Variants in LRSAM1 observed in about 807,000 individuals in gnomAD.
LRSAM1 encodes leucine rich repeat and sterile alpha motif containing 1.
In LRSAM1, 96 loss-of-function variants were observed where a neutral mutation model predicts 118.1. The ratio of observed to expected loss-of-function variants is 0.81; its 90% CI spans 0.69 to 0.96. The LOEUF (loss-of-function observed/expected upper bound fraction) is 0.96. Among genes scored for constraint, LRSAM1 ranks in the 40% least tolerant of loss-of-function variants. The pLI is 0.00. For synonymous variants in LRSAM1, 322 were observed against 364.2 expected (o/e 0.88, Z 1.32); for missense variants, 804 against 915.5 (o/e 0.88, Z 1.57).
intron 18 of LRSAM1, among the ~76,000 whole-genome samples, chr9:127,488,943 G>A (rs1000114635): frequency 4.0e-5 from 6 of 151,846 alleles, no homozygotes; most frequent in Non-Finnish European, 1.5e-5. Flanking sequence ...TTCTTCCCTC[G>A]CCTTTCTCCC....
At chr9:127,492,464 C>T (rs1348347477) in intron 20 of LRSAM1, among the ~76,000 whole-genome samples, 1 of 152,246 alleles carries the variant, frequency 6.6e-6, no homozygotes, top group Non-Finnish European at 1.5e-5. Flanking sequence ...TGGGGCCCCA[C>T]ACTGCTCCCC....
chr9:127,466,781 C>T (rs1259530833), intron 9 of LRSAM1, among the ~76,000 whole-genome samples: 1 of 151,446 alleles, frequency 6.6e-6, no homozygotes, highest in African/African-American at 2.4e-5. Context: ...GGGAGGCGGG[C>T]GAATTGCTTG....
chr9:127,464,002 G>A (rs1392647008), intron 9 of LRSAM1, among the ~76,000 whole-genome samples: 2 of 152,232 alleles, frequency 1.3e-5, no homozygotes, highest in Non-Finnish European at 2.9e-5. Flanking sequence ...TGAAGCTGAC[G>A]CCTGTGCTCC....
intron 11 of LRSAM1, among the ~76,000 whole-genome samples, chr9:127,475,383 C>T (rs940919114): frequency 6.6e-6 from 1 of 151,992 alleles, no homozygotes; most frequent in South Asian, 2.1e-4. Context: ...CCCAGCTACT[C>T]GGGAGGCTGA....
At chr9:127,455,410 A>C (rs1834480352) in intron 4 of LRSAM1, among the ~76,000 whole-genome samples, 166 bp from the exon 5 acceptor site, 1 of 152,226 alleles carries the variant, frequency 6.6e-6, no homozygotes, top group Admixed American at 6.5e-5. Context: ...CACATCCCCA[A>C]CACCACTGCT....
chr9:127,479,220 A>G (rs949812339), intron 12 of LRSAM1, among the ~76,000 whole-genome samples, 163 bp from the exon 13 acceptor site: 1 of 152,142 alleles, frequency 6.6e-6, no homozygotes, highest in Admixed American at 6.5e-5. Context: ...CTTCCTGTGA[A>G]CAGCTTGTTT....
chr9:127,502,975 T>A lies in LRSAM1; in HGVS notation c.*76T>A. 1 of 1,541,054 alleles carries A rather than the reference T, an allele frequency of 6.5e-7. No homozygotes were observed. The highest frequency in any genetic ancestry group is 8.7e-7 in the Non-Finnish European group (1 of 1,143,156). On this transcript the variant is annotated 3_prime_UTR_variant, in exon 26 of 26. Coordinates refer to ENST00000300417, the MANE Select transcript of LRSAM1 (RefSeq NM_001005373.4). ...AGCCCCGGGCTCCTGCTCAGCCTTG[T>A]GCCAGCCAGACTCGTATGAGGCTCC...
rs143021184 is a variant in LRSAM1 at position 127,472,000 on chromosome 9, C to T, written c.620-1801C>T. Among the ~76,000 whole-genome samples, 320 of 151,442 alleles carry T rather than the reference C, an allele frequency of 2.1e-3. 3 individuals carry two copies. The East Asian group carries it at 0.042, about 20-fold the overall frequency. On this transcript the variant is annotated intron_variant, in intron 10 of 25. Transcript: ENST00000300417. ...TTTTTTTGAGACAGAGTCTCACTGT[C>T]GCCCAGGCTGGAGTGCGGTGGCGCA... is the stretch of plus-strand genomic sequence containing the variant.
chr9:127,501,027 G>T lies in LRSAM1; in HGVS notation c.1930G>T (p.Gly644Cys), dbSNP rs201284198. 76 of 1,613,928 alleles carry T rather than the reference G, an allele frequency of 4.7e-5. 1 individual carries two copies. In the East Asian group the frequency reaches 1.5e-3, roughly 33 times the overall value. ...RIQPELKPPM[G>C]EVVTPTAPQE... is the part of the protein sequence containing the mutation. ...CCCCACAGAGCTGAAACCACCAATG[G>T]GTGAGGTCGTCACCCCTACGGCCCC... Residue 644 changes from glycine to cysteine, a missense_variant, in exon 25 of 26, where the codon GGT becomes TGT. Transcript: ENST00000300417.
In LRSAM1 at chr9:127,503,329, C is replaced by G; in HGVS notation, c.*430C>G. The G allele has an allele frequency of 3.7e-6, 1 of 269,574 alleles. No individual in the cohort carries two copies. Among genetic ancestry groups the G allele is most frequent in the South Asian group, 3.9e-5 (1 of 25,506 alleles). The allele number at this position is 269,574 out of a possible 1,614,324, so 16.7% of individuals were successfully genotyped here. A position where few individuals can be genotyped will look rare whatever the true frequency, so the allele number is the denominator to read the frequency against. ...CCTGGCTGGGTGAGGGGAGGCCTTC[C>G]TGGGAAGGCGTGTGGTGCAGGCCTG... is the stretch of plus-strand genomic sequence containing the variant. On this transcript the variant is annotated 3_prime_UTR_variant, in exon 26 of 26. Coordinates refer to ENST00000300417, the MANE Select transcript of LRSAM1 (RefSeq NM_001005373.4).
At chr9:127,455,396 T>C (rs1400565405) in intron 4 of LRSAM1, among the ~76,000 whole-genome samples, 180 bp from the exon 5 acceptor site, 1 of 152,236 alleles carries the variant, frequency 6.6e-6, no homozygotes, top group Non-Finnish European at 1.5e-5. Flanking sequence ...AGGGAAGGGC[T>C]GGCCACATCC....
chr9:127,457,386 C>G lies in LRSAM1; in HGVS notation c.245C>G (p.Thr82Ser), dbSNP rs373669417. 3 of 1,614,192 alleles carry G rather than the reference C, an allele frequency of 1.9e-6. No individual in the cohort carries two copies. The highest frequency in any genetic ancestry group is 2.5e-6 in the Non-Finnish European group (3 of 1,180,000). ...PKSCSLLSLA[T>S]IKVLDLHDNQ... ...TCCTGCAGCCTCCTGAGTCTGGCAA[C>G]CATCAAGGTACTGGGCCCTCCTCCC... The change falls in exon 6 of 26, where the codon ACC becomes AGC. Residue 82 changes from threonine (T) to serine (S), a missense_variant. Physicochemically the swap from Thr to Ser is moderately conservative, Grantham distance 58. Coordinates refer to ENST00000300417, the MANE Select transcript of LRSAM1 (RefSeq NM_001005373.4).
chr9:127,487,885 A>G, intron 18 of LRSAM1, 122 bp downstream of exon 18: 1 of 655,976 alleles, frequency 1.5e-6, no homozygotes, highest in East Asian at 5.1e-5. Context: ...GAGGTTTGTG[A>G]CCATAGAGGT....
rs1422088243 is a variant in LRSAM1 at position 127,462,237 on chromosome 9, T to C, written c.407-15T>C. On this transcript the variant is annotated splice_polypyrimidine_tract_variant and intron_variant, in intron 8 of 25. Coordinates refer to ENST00000300417, the MANE Select transcript of LRSAM1 (RefSeq NM_001005373.4). The stretch of plus-strand genomic sequence containing the variant: ...GGATTTGGGGTGTTGAGCTGTGCTA[T>C]TGGGGTCTCTGCAGACAACAAGCTG... 6 of 1,613,784 alleles carry C rather than the reference T, an allele frequency of 3.7e-6. No individual in the cohort carries two copies. The highest frequency in any genetic ancestry group is 5.1e-6 in the Non-Finnish European group (6 of 1,179,874).
chr9:127,459,151 C>T (rs1242496834), intron 7 of LRSAM1, 80 bp downstream of exon 7: 17 of 1,400,368 alleles, frequency 1.2e-5, no homozygotes, highest in Middle Eastern at 1.8e-4. Flanking sequence ...ATGTTCTGGC[C>T]GGGCTCCAGC....
At chr9:127,478,791 C>T (rs1223694355) in intron 11 of LRSAM1, 143 bp from the exon 12 acceptor site, 1 of 786,090 alleles carries the variant, frequency 1.3e-6, no homozygotes, top group South Asian at 1.5e-5. Flanking sequence ...TCCCCTCATC[C>T]CCCGACCCCA....
At chr9:127,478,879 C>T in intron 11 of LRSAM1, 55 bp from the exon 12 acceptor site, 1 of 1,593,566 alleles carries the variant, frequency 6.3e-7, no homozygotes. Context: ...GTGCCCATGC[C>T]AGGGAGAACC....
chr9:127,498,354 C>A (rs1836236550), intron 24 of LRSAM1, among the ~76,000 whole-genome samples: 1 of 152,152 alleles, frequency 6.6e-6, no homozygotes, highest in Non-Finnish European at 1.5e-5. Context: ...ATGTTCCTGA[C>A]CCCCCAGCTC....
intron 19 of LRSAM1, among the ~76,000 whole-genome samples, chr9:127,490,824 C>T (rs569062299): frequency 6.6e-5 from 10 of 152,218 alleles, no homozygotes; most frequent in African/African-American, 1.7e-4. Flanking sequence ...AACAGCGATG[C>T]GAGGGACAAG....
Sources: allele counts gnomAD v4.1 joint callset (sites outside exome capture counted in the v4.1 genomes callset), GRCh38; gene constraint gnomAD v4.1.1; transcripts MANE v1.5; gene names NCBI Gene and HGNC (gene_info 2026-07-23, HGNC 2026-07-21).